The following CPS1 variants were observed in gnomAD, a reference collection of about 807,000 sequenced individuals.
The protein encoded by CPS1 is carbamoyl-phosphate synthase [ammonia], mitochondrial.
A neutral mutation model predicts 174.6 loss-of-function variants in CPS1; 109 were observed. The ratio of observed to expected loss-of-function variants is 0.62; its 90% CI spans 0.53 to 0.73. The LOEUF (loss-of-function observed/expected upper bound fraction) is 0.73. CPS1 is among the 30% of genes least tolerant of loss of function. The pLI, the probability that CPS1 is intolerant of heterozygous loss-of-function variation, is 0.00. For missense variants in CPS1, 1,689 were observed against 1,821.9 expected (o/e 0.93, Z 1.33); for synonymous variants, 637 against 632.0 (o/e 1.01, Z -0.12).
chr2:210,583,394 C>T (rs1016011986), intron 6 of CPS1, among the ~76,000 whole-genome samples: 2 of 152,016 alleles, frequency 1.3e-5, no homozygotes, highest in African/African-American at 4.8e-5. Flanking sequence ...AGTAAATCAC[C>T]ATGTGCAGAA....
At chr2:210,660,690 A>G (rs772342233) in intron 32 of CPS1, 35 bp downstream of exon 32, 6 of 1,579,296 alleles carry the variant, frequency 3.8e-6, no homozygotes, top group Non-Finnish European at 5.2e-6. Flanking sequence ...TCATTTTATG[A>G]GTTCTAGTGA....
At chr2:210,677,183 G>A in intron 37 of CPS1, 47 bp downstream of exon 37, 1 of 1,588,452 alleles carries the variant, frequency 6.3e-7, no homozygotes, top group Non-Finnish European at 8.6e-7. Context: ...TTTTATTTCT[G>A]TGCCTCCCTT....
At chr2:210,592,026 A>T in intron 10 of CPS1, 57 bp downstream of exon 10, 1 of 1,545,386 alleles carries the variant, frequency 6.5e-7, no homozygotes, top group East Asian at 2.3e-5. Context: ...GGCTTTTAAA[A>T]ATAATTGATA....
At chr2:210,590,363 G>A (rs1056604429) in intron 8 of CPS1, 129 bp downstream of exon 8, 4 of 1,354,658 alleles carry the variant, frequency 3.0e-6, no homozygotes, top group Non-Finnish European at 4.2e-6. Flanking sequence ...GACTTCTGAG[G>A]CAGTGTCAGT....
intron 24 of CPS1, among the ~76,000 whole-genome samples, chr2:210,641,602 A>G (rs1700227191): frequency 6.6e-6 from 1 of 152,150 alleles, no homozygotes; most frequent in Admixed American, 6.5e-5. Flanking sequence ...TAGCCTGACC[A>G]TTTCACCAGC....
intron 1 of CPS1, among the ~76,000 whole-genome samples, chr2:210,493,866 A>T (rs1694925701): frequency 6.9e-6 from 1 of 145,440 alleles, no homozygotes; most frequent in Non-Finnish European, 1.6e-5. Context: ...TGTAGTTTGT[A>T]GAGGAATTAT....
At chr2:210,637,670 A>C in intron 21 of CPS1, 32 bp from the exon 22 acceptor site, 1 of 1,613,146 alleles carries the variant, frequency 6.2e-7, no homozygotes, top group South Asian at 1.1e-5. Context: ...TTTTGGTCTA[A>C]ACTTGAATCT....
chr2:210,527,831 G>C (rs181175470), intron 1 of CPS1, among the ~76,000 whole-genome samples: 3 of 151,762 alleles, frequency 2.0e-5, no homozygotes, highest in Admixed American at 6.6e-5. Context: ...AGAATTTTTT[G>C]TGGGGGAGAG....
intron 1 of CPS1, among the ~76,000 whole-genome samples, chr2:210,500,355 C>T (rs1391704519): frequency 6.6e-6 from 1 of 152,118 alleles, no homozygotes; most frequent in Admixed American, 6.5e-5. Context: ...TAATTCATTC[C>T]AGCATTAACC....
intron 31 of CPS1, 71 bp from the exon 32 acceptor site, chr2:210,660,414 A>G: frequency 1.4e-6 from 2 of 1,437,748 alleles, no homozygotes; most frequent in Non-Finnish European, 2.0e-6. Context: ...AACCAGTGGT[A>G]GAGAGAATAT....
rs772564683 is a variant in CPS1, at chr2:210,592,891, G to A, written c.1099G>A (p.Glu367Lys). ...CTTATTCCTTTAGGGGATTATGCAT[G>A]AGAGCAAACCCTTCTTCGCTGTGCA... ...NDQTNEGIMH[E>K]SKPFFAVQFH... is the part of the protein sequence containing the mutation. The change falls in exon 11 of 38, where the codon GAG becomes AAG. Residue 367 changes from glutamate to lysine, a missense_variant. Glu to Lys is a moderately conservative substitution (Grantham distance 56). Coordinates refer to ENST00000233072, the MANE Select transcript of CPS1 (RefSeq NM_001875.5). 6.2e-7 allele frequency: 1 copy of A among 1,612,286 alleles called. No individual in the cohort carries two copies. The highest frequency in any genetic ancestry group is 8.5e-7 in the Non-Finnish European group (1 of 1,178,872).
intron 1 of CPS1, among the ~76,000 whole-genome samples, chr2:210,526,952 A>G (rs1434678349): frequency 2.0e-5 from 3 of 151,972 alleles, no homozygotes; most frequent in African/African-American, 7.2e-5. Context: ...CTCTATTTTC[A>G]GTTTTTACAG....
At chr2:210,477,952 G>A (rs1208460475) in intron 1 of CPS1, among the ~76,000 whole-genome samples, 1 of 152,128 alleles carries the variant, frequency 6.6e-6, no homozygotes, top group Non-Finnish European at 1.5e-5. Context: ...AGCAAGGCAG[G>A]ATGGTAATTG....
intron 16 of CPS1, among the ~76,000 whole-genome samples, chr2:210,602,884 T>TA (rs975068737): frequency 1.3e-5 from 2 of 151,904 alleles, no homozygotes; most frequent in Admixed American, 6.6e-5. Flanking sequence ...CATATACTCA[T>TA]AAAAACACGA....
chr2:210,670,860 T>C (rs981170129), intron 34 of CPS1, among the ~76,000 whole-genome samples: 2 of 152,192 alleles, frequency 1.3e-5, no homozygotes, highest in Non-Finnish European at 2.9e-5. Context: ...TTTGAAATAT[T>C]CATAACATCA....
rs1234680885 is a variant in CPS1 at position 210,637,993 on chromosome 2, A to G, written c.2829+150A>G. ...CCGGTTGATGCTCATAATGTCACCAATTTTATTCAGCAAGTGATTAATTTT... is the reference window on the plus strand; with the variant it reads ...CCGGTTGATGCTCATAATGTCACCAGTTTTATTCAGCAAGTGATTAATTTT... On this transcript the variant is annotated intron_variant, in intron 22 of 37. Coordinates refer to ENST00000233072, the MANE Select transcript of CPS1 (RefSeq NM_001875.5). 10 of 878,450 alleles carry G rather than the reference A, an allele frequency of 1.1e-5. No individual in the cohort carries two copies. The South Asian group carries it at 1.5e-4, about 13-fold the overall frequency. 54.4% of individuals were successfully genotyped at this position (878,450 alleles called of 1,614,324 possible).
chr2:210,675,615 T>C (rs1474074123), intron 35 of CPS1, 113 bp from the exon 36 acceptor site: 6 of 721,060 alleles, frequency 8.3e-6, no homozygotes, highest in East Asian at 8.0e-5. Flanking sequence ...TCCATGGCAC[T>C]ATACTACTTC....
chr2:210,567,527 G>T (rs1197963772), intron 1 of CPS1, among the ~76,000 whole-genome samples: 1 of 152,092 alleles, frequency 6.6e-6, no homozygotes, highest in Non-Finnish European at 1.5e-5. Context: ...AGTAAAGGAA[G>T]AAAAAGAGAA....
At chr2:210,611,521 G>A (rs1699119766) in intron 19 of CPS1, among the ~76,000 whole-genome samples, 1 of 151,396 alleles carries the variant, frequency 6.6e-6, no homozygotes, top group African/African-American at 2.4e-5. Flanking sequence ...ATGATGAGCT[G>A]TAAAGATTGT....
Sources: gnomAD v4.1 joint callset for allele counts (sites outside exome capture counted in the v4.1 genomes callset) on GRCh38, gnomAD v4.1.1 for gene constraint, MANE v1.5 for transcripts, NCBI Gene and HGNC (gene_info 2026-07-23, HGNC 2026-07-21) for gene names.